SLC25A46: variants seen among roughly 807,000 people sequenced by gnomAD.
SLC25A46 encodes solute carrier family 25 member 46.
A neutral mutation model predicts 44.6 loss-of-function variants in SLC25A46; 39 were observed. That is an observed-to-expected ratio of 0.87 (90% CI 0.68 to 1.14). The LOEUF (loss-of-function observed/expected upper bound fraction) is 1.14, where lower values mean the gene tolerates loss of function less well. SLC25A46 is among the 50% of genes most tolerant of loss of function. The probability of loss-of-function intolerance (pLI) is 0.00; values close to 1 mark genes in which losing one functional copy is unlikely to be tolerated. For synonymous variants in SLC25A46, 202 were observed against 185.8 expected, an observed-to-expected ratio of 1.09 and a Z score of -0.71; for missense variants, 547 against 522.7, an observed-to-expected ratio of 1.05 and a Z score of -0.45.
intron 4 of SLC25A46, among the ~76,000 whole-genome samples, chr5:110,746,922 G>C (rs1799835369): frequency 6.6e-6 from 1 of 152,084 alleles, no homozygotes; most frequent in Non-Finnish European, 1.5e-5. Context: ...GTAAGAGAAA[G>C]ATGAAAAAGT....
chr5:110,759,400 C>T (rs950584211), intron 7 of SLC25A46, among the ~76,000 whole-genome samples: 1 of 152,092 alleles, frequency 6.6e-6, no homozygotes, highest in Non-Finnish European at 1.5e-5. Context: ...GGGACTGTGT[C>T]ATGTGTGTTG....
At chr5:110,748,087 T>C in intron 4 of SLC25A46, 76 bp from the exon 5 acceptor site, 1 of 949,160 alleles carries the variant, frequency 1.1e-6, no homozygotes, top group African/African-American at 1.6e-5. Flanking sequence ...GTCTACACAA[T>C]ATCAAGTTTT....
chr5:110,760,054 C>T (rs892879383), intron 7 of SLC25A46, among the ~76,000 whole-genome samples: 8 of 152,088 alleles, frequency 5.3e-5, no homozygotes, highest in African/African-American at 1.9e-4. Flanking sequence ...CTATTGTGAA[C>T]TCCATTTGGA....
At chr5:110,746,981 T>G (rs1293944393) in intron 4 of SLC25A46, among the ~76,000 whole-genome samples, 3 of 152,158 alleles carry the variant, frequency 2.0e-5, no homozygotes, top group Non-Finnish European at 4.4e-5. Flanking sequence ...TTCTAAGAAC[T>G]GCACACTACT....
At position 110,762,820 on chromosome 5, in the gene SLC25A46, A is replaced by G. The variant is rs1007091081; in HGVS notation, c.*1038A>G. ...TTGTCTAGTATATAGTCACCACTAAATAATGGCTTCCGTTTTTATTTTCTT... is the reference window on the plus strand; with the variant it reads ...TTGTCTAGTATATAGTCACCACTAAGTAATGGCTTCCGTTTTTATTTTCTT... On this transcript the variant is annotated 3_prime_UTR_variant, in exon 8 of 8. Coordinates refer to ENST00000355943, the MANE Select transcript of SLC25A46 (RefSeq NM_138773.4). 2 of 151,952 alleles carry G rather than the reference A, an allele frequency of 1.3e-5. No homozygotes were observed. Among genetic ancestry groups the G allele is most frequent in the Non-Finnish European group, 2.9e-5 (2 of 67,914 alleles). 9.4% of individuals were successfully genotyped at this position (151,952 alleles called of 1,614,324 possible).
At chr5:110,756,585 T>C (rs1052930428) in intron 6 of SLC25A46, 117 bp from the exon 7 acceptor site, 14 of 643,566 alleles carry the variant, frequency 2.2e-5, no homozygotes, top group African/African-American at 1.9e-4. Context: ...TTGAAAACCT[T>C]AAAAAGATTA....
In SLC25A46 at chr5:110,761,729, G is replaced by A. The variant is rs780136293; in HGVS notation, c.1204G>A (p.Val402Ile). The part of the protein sequence containing the change: ...VIIQYTLHAA[V>I]LQITKIIYST... ...AATACAGTACACACTGCATGCAGCTGTTTTACAGATTACCAAAATTATTTA... is the reference window on the plus strand; with the variant it reads ...AATACAGTACACACTGCATGCAGCTATTTTACAGATTACCAAAATTATTTA... Residue 402 changes from valine to isoleucine, a missense_variant, in exon 8 of 8, where the codon GTT becomes ATT. By Grantham distance (29) the Val-to-Ile change is conservative. Transcript: ENST00000355943. The surrounding 1 kb of genome is among the most constrained non-coding windows in gnomAD (Gnocchi z 5.3). The A allele has an allele frequency of 6.2e-7, 1 of 1,612,742 alleles. No individual in the cohort carries two copies. Among genetic ancestry groups the A allele is most frequent in the South Asian group, 1.1e-5 (1 of 90,958 alleles).
At chr5:110,750,187 T>G (rs1347098057) in intron 5 of SLC25A46, among the ~76,000 whole-genome samples, 2 of 132,728 alleles carry the variant, frequency 1.5e-5, no homozygotes, top group African/African-American at 6.3e-5. Context: ...TAAACTTTGC[T>G]AAAACGTTTG....
chr5:110,741,016 A>G (rs545375808), intron 1 of SLC25A46, among the ~76,000 whole-genome samples: 3 of 152,280 alleles, frequency 2.0e-5, no homozygotes, highest in African/African-American at 7.2e-5. Context: ...GAAGCTTTCT[A>G]TTTAGCTTAT....
intron 2 of SLC25A46, among the ~76,000 whole-genome samples, chr5:110,743,399 C>T (rs1580856384): frequency 6.6e-6 from 1 of 152,122 alleles, no homozygotes; most frequent in East Asian, 1.9e-4. Context: ...CATTAAATGC[C>T]ATTTAATTGA....
intron 5 of SLC25A46, among the ~76,000 whole-genome samples, chr5:110,750,074 T>A (rs182823996): frequency 6.6e-6 from 1 of 152,230 alleles, no homozygotes; most frequent in East Asian, 1.9e-4. Context: ...ATGTTGGGAT[T>A]TAGTCCTTAC....
rs962845429 is a variant in SLC25A46 at position 110,764,467 on chromosome 5, G to C, written c.*2685G>C. 1 of 151,790 alleles carries C rather than the reference G, an allele frequency of 6.6e-6. No homozygotes were observed. The allele number at this position is 151,790 out of a possible 1,614,324, so 9.4% of individuals were successfully genotyped here. On this transcript the variant is annotated 3_prime_UTR_variant, in exon 8 of 8. Coordinates refer to ENST00000355943, the MANE Select transcript of SLC25A46 (RefSeq NM_138773.4). ...AGTAAAAACAAGGTCACTTGAAAAT[G>C]GGTATTTAATACCTTAGCTGGTGTT...
intron 7 of SLC25A46, among the ~76,000 whole-genome samples, chr5:110,758,654 C>T (rs879631384): frequency 2.0e-5 from 3 of 151,774 alleles, no homozygotes; most frequent in East Asian, 1.9e-4. Flanking sequence ...TGGTAGTGGG[C>T]GCCTGTTGTC....
In SLC25A46 at chr5:110,762,521, A is replaced by G. The variant is rs1325557106; in HGVS notation, c.*739A>G. 1 of 151,830 alleles carries G rather than the reference A, an allele frequency of 6.6e-6. No homozygotes were observed. The highest frequency in any genetic ancestry group is 1.5e-5 in the Non-Finnish European group (1 of 67,914). The allele number at this position is 151,830 out of a possible 1,614,324, so 9.4% of individuals were successfully genotyped here. On this transcript the variant is annotated 3_prime_UTR_variant, in exon 8 of 8. Transcript: ENST00000355943. ...AAGGTACCCAAAAGATACAAGTCAGAGACAACATCCTTGTCCATATCCAAA... is the reference window on the plus strand; with the variant it reads ...AAGGTACCCAAAAGATACAAGTCAGGGACAACATCCTTGTCCATATCCAAA...
At chr5:110,756,238 T>TG (rs1800108138) in intron 6 of SLC25A46, 1 of 147,572 alleles carries the variant, frequency 6.8e-6, no homozygotes, top group South Asian at 2.1e-4. Flanking sequence ...TGTATAATGT[T>TG]TTTTTTTTTT....
chr5:110,750,540 G>A (rs1273281813), intron 5 of SLC25A46, among the ~76,000 whole-genome samples: 2 of 152,154 alleles, frequency 1.3e-5, no homozygotes, highest in East Asian at 3.9e-4. Flanking sequence ...TGTTGTATTT[G>A]CATACAACCT....
intron 3 of SLC25A46, 24 bp downstream of exon 3, chr5:110,743,811 T>C (rs772844207): frequency 6.3e-7 from 1 of 1,583,930 alleles, no homozygotes; most frequent in South Asian, 1.1e-5. Flanking sequence ...CTGTGATCTT[T>C]TGAAGCAATA....
In SLC25A46 at chr5:110,761,873, G is replaced by A; in HGVS notation, c.*91G>A. Reference sequence around the variant, plus strand: ...GGGATACAAGTGAAATACTGGGGAAGAAAATGGATTGGAAAGTAAAATTGG... The same window carrying A: ...GGGATACAAGTGAAATACTGGGGAAAAAAATGGATTGGAAAGTAAAATTGG... On this transcript the variant is annotated 3_prime_UTR_variant, in exon 8 of 8. Coordinates refer to ENST00000355943, the MANE Select transcript of SLC25A46 (RefSeq NM_138773.4). This position sits in a 1 kb window ranked among gnomAD's most constrained non-coding sequence, Gnocchi z 5.3. The A allele has an allele frequency of 1.8e-6, 2 of 1,098,536 alleles. No homozygotes were observed. The allele number at this position is 1,098,536 out of a possible 1,614,324, so 68.0% of individuals were successfully genotyped here.
chr5:110,738,799 A>G (rs1373483712), upstream of SLC25A46: 6 of 467,258 alleles, frequency 1.3e-5, no homozygotes, highest in African/African-American at 1.0e-4. Context: ...CCCTATTCCT[A>G]CACCAGTTCT....
Sources: allele counts gnomAD v4.1 joint callset (sites outside exome capture counted in the v4.1 genomes callset), GRCh38; gene constraint gnomAD v4.1.1; non-coding constraint Gnocchi (gnomAD v3.1); transcripts MANE v1.5; gene names NCBI Gene and HGNC (gene_info 2026-07-23, HGNC 2026-07-21).